The following HEPH variants were observed in gnomAD, a reference collection of about 807,000 sequenced individuals.
HEPH encodes the protein hephaestin.
In HEPH, 69 loss-of-function variants were observed where a neutral mutation model predicts 80.8. The ratio of observed to expected loss-of-function variants is 0.85; its 90% CI spans 0.70 to 1.04. HEPH has a LOEUF of 1.04. Ranked by LOEUF, HEPH falls within the 50% of genes least tolerant of loss-of-function variation. HEPH has a pLI of 0.00. For synonymous variants in HEPH, 431 were observed against 322.8 expected (o/e 1.34, Z -3.60); for missense variants, 1,115 against 891.3 (o/e 1.25, Z -3.20).
At chrX:66,167,459 T>G (rs1021581751) in intron 1 of HEPH, among the ~76,000 whole-genome samples, 3 of 112,165 alleles carry the variant, frequency 2.7e-5, no homozygotes, top group Non-Finnish European at 3.8e-5. Context: ...GTGGAGCTCT[T>G]GCCTGGGACA....
rs188481536 is a variant in HEPH at position 66,266,829 on chromosome X, T to C, written c.*157T>C. The C allele has an allele frequency of 9.4e-4, 406 of 431,543 alleles. 1 individual carries two copies. Among genetic ancestry groups the C allele is most frequent in the Middle Eastern group, 8.8e-3 (14 of 1,584 alleles). The allele number at this position is 431,543 out of a possible 1,213,427, so 35.6% of individuals were successfully genotyped here. A position where few individuals can be genotyped will look rare whatever the true frequency, so the allele number is the denominator to read the frequency against. ...TGGATATTTCTTTCTTTATTTATTT[T>C]ACATGGAAATAATATGATTTCACTT... On this transcript the variant is annotated 3_prime_UTR_variant, in exon 21 of 21. Transcript: ENST00000343002.
Position 66,198,349 on chromosome X carries a change from T to G in HEPH, c.1713+455T>G, listed in dbSNP as rs1293142549. On this transcript the variant is annotated intron_variant, in intron 10 of 20. Coordinates refer to ENST00000343002, the MANE Select transcript of HEPH (RefSeq NM_001367233.3). ...ACTTCTCTTTGACTCCGTTTCCTCA[T>G]TTGTAAAAATGGGATAACGATGGAA... 3.6e-5 allele frequency among the ~76,000 whole-genome samples: 4 copies of G among 111,852 alleles called. No individual in the cohort carries two copies. In the East Asian group the frequency reaches 1.1e-3, roughly 31 times the overall value.
intron 15 of HEPH, among the ~76,000 whole-genome samples, chrX:66,213,090 T>C (rs2089219081): frequency 9.1e-6 from 1 of 109,788 alleles, no homozygotes; most frequent in Non-Finnish European, 1.9e-5. Flanking sequence ...AAATGCAGGT[T>C]AGTTACATAT....
chrX:66,243,167 A>G (rs755435139), intron 15 of HEPH, among the ~76,000 whole-genome samples: 4 of 112,158 alleles, frequency 3.6e-5, no homozygotes, highest in Non-Finnish European at 7.5e-5. Flanking sequence ...AAAGAATGAC[A>G]TATTTTTGCA....
upstream of HEPH, among the ~76,000 whole-genome samples, chrX:66,163,712 T>C (rs903171823): frequency 8.1e-5 from 9 of 111,536 alleles, no homozygotes; most frequent in Admixed American, 7.6e-4. Flanking sequence ...CTCTTCTCTT[T>C]TACTTCCTAA....
upstream of HEPH, chrX:66,162,713 A>G: frequency 1.7e-6 from 2 of 1,154,660 alleles, no homozygotes; most frequent in South Asian, 3.8e-5. Context: ...CACACTTAAG[A>G]ATCTCTAGTG....
intron 1 of HEPH, among the ~76,000 whole-genome samples, chrX:66,166,827 T>A (rs13440529): frequency 0.39 from 43,395 of 111,080 alleles, 9,579 homozygotes; most frequent in African/African-American, 0.86. Context: ...ATACCTATGT[T>A]TATATTCCTG....
At position 66,188,554 on chromosome X, in the gene HEPH, A is replaced by T. The variant is rs1176658902; in HGVS notation, c.808+13A>T. Reference sequence around the variant, plus strand: ...AATAGGATGCATGGTGAGTTGGGAAAAGGTGGCCACATTGTGACAGGGAAC... The same window carrying T: ...AATAGGATGCATGGTGAGTTGGGAATAGGTGGCCACATTGTGACAGGGAAC... On this transcript the variant is annotated intron_variant, in intron 5 of 20. Coordinates refer to ENST00000343002, the MANE Select transcript of HEPH (RefSeq NM_001367233.3). The T allele has an allele frequency of 8.4e-7, 1 of 1,190,300 alleles. No individual in the cohort carries two copies. Among genetic ancestry groups the T allele is most frequent in the African/African-American group, 1.8e-5 (1 of 56,918 alleles).
chrX:66,176,649 C>T (rs750136769), intron 4 of HEPH, among the ~76,000 whole-genome samples: 19 of 111,083 alleles, frequency 1.7e-4, no homozygotes, highest in South Asian at 7.8e-4. Flanking sequence ...TCCCTCCCCC[C>T]TCTCCCCACC....
At chrX:66,188,293 A>G (rs1275317839) in intron 4 of HEPH, 66 bp from the exon 5 acceptor site, 2 of 816,678 alleles carry the variant, frequency 2.4e-6, no homozygotes, top group Non-Finnish European at 3.4e-6. Flanking sequence ...TCTTATGAGT[A>G]CCCCTTTCAG....
chrX:66,201,807 C>T (rs2088471239), intron 12 of HEPH, among the ~76,000 whole-genome samples: 2 of 112,128 alleles, frequency 1.8e-5, no homozygotes, highest in Non-Finnish European at 3.8e-5. Flanking sequence ...GCAGTTTTCT[C>T]TGTGAGAGAA....
rs780623444 is a variant in HEPH at position 66,202,609 on chromosome X, A to G, written c.2078-755A>G. On this transcript the variant is annotated intron_variant, in intron 12 of 20. Coordinates refer to ENST00000343002, the MANE Select transcript of HEPH (RefSeq NM_001367233.3). ...CCTTCTAAAGCTGTCTTAGGTAAGC[A>G]TCCCTCTGCAATCAAGACATTCTCT... Among the ~76,000 whole-genome samples the G allele has an allele frequency of 3.6e-5, 4 of 110,886 alleles. No individual in the cohort carries two copies. The East Asian group carries it at 8.4e-4, about 23-fold the overall frequency.
In HEPH at chrX:66,197,978, G is replaced by C. The variant is rs780633229; in HGVS notation, c.1713+84G>C. The C allele has an allele frequency of 1.3e-5, 11 of 826,462 alleles. No homozygotes were observed. The African/African-American group carries it at 2.2e-4, about 17-fold the overall frequency. 68.1% of individuals were successfully genotyped at this position (826,462 alleles called of 1,213,427 possible). On this transcript the variant is annotated intron_variant, in intron 10 of 20. Coordinates refer to ENST00000343002, the MANE Select transcript of HEPH (RefSeq NM_001367233.3). Reference sequence around the variant, plus strand: ...TGGATAGGAGTTAAGCATGGAACTGGGTTCTAAAGTTTAGGGAATAGAAGA... The same window carrying C: ...TGGATAGGAGTTAAGCATGGAACTGCGTTCTAAAGTTTAGGGAATAGAAGA...
intron 2 of HEPH, 91 bp downstream of exon 2, chrX:66,170,828 G>T (rs1806865238): frequency 1.3e-6 from 1 of 795,890 alleles, no homozygotes; most frequent in African/African-American, 2.0e-5. Context: ...TTCCCAGGGT[G>T]TGGTAGCAGC....
At chrX:66,262,711 G>T (rs2091408956) in intron 19 of HEPH, among the ~76,000 whole-genome samples, 1 of 111,522 alleles carries the variant, frequency 9.0e-6, no homozygotes, top group Non-Finnish European at 1.9e-5. Context: ...ATAGACCTTG[G>T]AGTCTCACTT....
Position 66,236,876 on chromosome X carries a change from A to T in HEPH, c.2564-18159A>T, listed in dbSNP as rs191846692. On this transcript the variant is annotated intron_variant, in intron 15 of 20. Transcript: ENST00000343002. ...GGCGTATATGTCCAGAAATTTATCAATTTCCTCTAGATTGTCTAGTTTATG... is the reference window on the plus strand; with the variant it reads ...GGCGTATATGTCCAGAAATTTATCATTTTCCTCTAGATTGTCTAGTTTATG... Among the ~76,000 whole-genome samples, 643 of 111,145 alleles carry T rather than the reference A, an allele frequency of 5.8e-3. 2 individuals carry two copies. The highest frequency in any genetic ancestry group is 0.014 in the Middle Eastern group (3 of 214).
chrX:66,177,769 G>C (rs1335903012), intron 4 of HEPH, among the ~76,000 whole-genome samples: 1 of 110,550 alleles, frequency 9.0e-6, no homozygotes, highest in Non-Finnish European at 1.9e-5. Context: ...GTTTGGGTTT[G>C]GTTTGTTCTT....
intron 15 of HEPH, among the ~76,000 whole-genome samples, chrX:66,223,238 T>C (rs2089727845): frequency 8.9e-6 from 1 of 111,832 alleles, no homozygotes; most frequent in African/African-American, 3.3e-5. Context: ...ATAAACGAAG[T>C]ATATAATTTC....
intron 19 of HEPH, among the ~76,000 whole-genome samples, chrX:66,262,240 G>A (rs1376713282): frequency 8.9e-6 from 1 of 112,145 alleles, no homozygotes. Context: ...AAGGCAGCAG[G>A]GAATGAGAAT....
Sources: allele counts gnomAD v4.1 joint callset (sites outside exome capture counted in the v4.1 genomes callset), GRCh38; gene constraint gnomAD v4.1.1; transcripts MANE v1.5; gene names NCBI Gene and HGNC (gene_info 2026-07-23, HGNC 2026-07-21).